The following GALNT6 variants were observed in gnomAD, a reference collection of about 807,000 sequenced individuals.
GALNT6 encodes the protein polypeptide N-acetylgalactosaminyltransferase 6.
In GALNT6, 51 loss-of-function variants were observed where a neutral mutation model predicts 65.9. That is an observed-to-expected ratio of 0.77 (90% confidence interval 0.62 to 0.98). The LOEUF is 0.98. Among genes scored for constraint, GALNT6 ranks in the 50% least tolerant of loss-of-function variants. GALNT6 has a pLI of 0.00. For missense variants in GALNT6, 708 were observed against 803.3 expected (o/e 0.88, Z 1.43); for synonymous variants, 323 against 315.1 (o/e 1.02, Z -0.26).
rs752622980 is a variant in GALNT6 at position 51,377,375 on chromosome 12, T to A, written c.492-8A>T. Reference sequence around the variant, plus strand: ...AACTTCTGGTCCACACACCTGGAAGTATGAAAGTACGGACAAAGTTCTCCT... The same window carrying A: ...AACTTCTGGTCCACACACCTGGAAGAATGAAAGTACGGACAAAGTTCTCCT... On this transcript the variant is annotated splice_polypyrimidine_tract_variant and splice_region_variant and intron_variant, in intron 3 of 11. Coordinates refer to ENST00000356317, the MANE Select transcript of GALNT6 (RefSeq NM_007210.4). 6.2e-7 allele frequency: 1 copy of A among 1,611,896 alleles called. No homozygotes were observed. Among genetic ancestry groups the A allele is most frequent in the Non-Finnish European group, 8.5e-7 (1 of 1,179,764 alleles).
At chr12:51,354,671 A>C (rs567979258) in intron 11 of GALNT6, among the ~76,000 whole-genome samples, 179 bp from the exon 12 acceptor site, 2 of 152,232 alleles carry the variant, frequency 1.3e-5, no homozygotes, top group East Asian at 3.9e-4. Flanking sequence ...TCCCACCTCT[A>C]TCTGGTGCCA....
chr12:51,355,556 G>A (rs1032202771), intron 11 of GALNT6, among the ~76,000 whole-genome samples: 3 of 152,080 alleles, frequency 2.0e-5, no homozygotes, highest in Non-Finnish European at 4.4e-5. Flanking sequence ...TGCAACCTCC[G>A]CCTCCTGGGT....
intron 2 of GALNT6, among the ~76,000 whole-genome samples, chr12:51,384,061 C>T (rs1395517793): frequency 6.6e-6 from 1 of 152,204 alleles, no homozygotes; most frequent in Non-Finnish European, 1.5e-5. Flanking sequence ...AGTGTGCCCG[C>T]AGCCCCCATC....
At chr12:51,381,096 G>A (rs917840156) in intron 2 of GALNT6, among the ~76,000 whole-genome samples, 1 of 152,074 alleles carries the variant, frequency 6.6e-6, no homozygotes, top group Non-Finnish European at 1.5e-5. Context: ...AAAAATTAGC[G>A]AGGCGTAGTG....
rs1232787480 is a variant in GALNT6 at position 51,390,836 on chromosome 12, G to A, written c.-104+14C>T. ...CCACCCTCCACCCCCATACACAGAA[G>A]AGCCCCATCCTACCCTCTGCAGACG... On this transcript the variant is annotated intron_variant, in intron 2 of 11. Transcript: ENST00000356317. 1 of 152,230 alleles carries A rather than the reference G, an allele frequency of 6.6e-6. No individual in the cohort carries two copies. Among genetic ancestry groups the A allele is most frequent in the Non-Finnish European group, 1.5e-5 (1 of 68,088 alleles). 9.4% of individuals were successfully genotyped at this position (152,230 alleles called of 1,614,324 possible).
At position 51,387,798 on chromosome 12, in the gene GALNT6, G is replaced by A. The variant is rs1947889320; in HGVS notation, c.-104+3052C>T. 6.6e-6 allele frequency among the ~76,000 whole-genome samples: 1 copy of A among 152,140 alleles called. No individual in the cohort carries two copies. The highest frequency in any genetic ancestry group is 1.5e-5 in the Non-Finnish European group (1 of 68,024). On this transcript the variant is annotated intron_variant, in intron 2 of 11. Coordinates refer to ENST00000356317, the MANE Select transcript of GALNT6 (RefSeq NM_007210.4). The surrounding 1 kb of genome is among the most constrained non-coding windows in gnomAD (Gnocchi z 4.2). ...GGGGAAAGGACAGAGAAGGGACAGG[G>A]AAGTGATGAGAAGGGTGGAAGACAG... is the stretch of plus-strand genomic sequence containing the variant.
In GALNT6 at chr12:51,370,153, G is replaced by A. The variant is rs760483871; in HGVS notation, c.665-4574C>T. Among the ~76,000 whole-genome samples the A allele has an allele frequency of 4.6e-5, 7 of 152,360 alleles. No homozygotes were observed. The East Asian group carries it at 5.8e-4, about 13-fold the overall frequency. ...CAATGTTCACAGCAGCATTAGTCAC[G>A]ATAGCCAAAGGCAGAAACAGCCTCA... On this transcript the variant is annotated intron_variant, in intron 4 of 11. Transcript: ENST00000356317.
rs767716612 is a variant in GALNT6 at position 51,360,692 on chromosome 12, G to A, written c.1167+29C>T. The A allele has an allele frequency of 3.9e-6, 5 of 1,298,518 alleles. No homozygotes were observed. The African/African-American group carries it at 5.8e-5, about 15-fold the overall frequency. 80.4% of individuals were successfully genotyped at this position (1,298,518 alleles called of 1,614,324 possible). A position where few individuals can be genotyped will look rare whatever the true frequency, so the allele number is the denominator to read the frequency against. ...TCAAGCTGTCGCCTGGGATGTTGTG[G>A]TTCCCCCCAAAGCCCTCTTCACTCT... On this transcript the variant is annotated intron_variant, in intron 7 of 11. Transcript: ENST00000356317.
At chr12:51,362,239 A>C (rs1488308595) in intron 6 of GALNT6, among the ~76,000 whole-genome samples, 1 of 152,178 alleles carries the variant, frequency 6.6e-6, no homozygotes, top group Non-Finnish European at 1.5e-5. Context: ...CCGAGAAGTC[A>C]CTGATGGATT....
intron 4 of GALNT6, among the ~76,000 whole-genome samples, chr12:51,370,435 C>T (rs1314382967): frequency 2.6e-5 from 4 of 151,972 alleles, no homozygotes; most frequent in African/African-American, 7.3e-5. Context: ...CTCGGGAGGC[C>T]GAGGCAGGAG....
At chr12:51,378,146 G>A (rs975935621) in intron 3 of GALNT6, among the ~76,000 whole-genome samples, 7 of 152,098 alleles carry the variant, frequency 4.6e-5, no homozygotes, top group African/African-American at 1.7e-4. Flanking sequence ...GTCACACCCA[G>A]TGCTCTTCTC....
intron 4 of GALNT6, among the ~76,000 whole-genome samples, chr12:51,367,139 C>T (rs1185922535): frequency 3.3e-5 from 5 of 152,298 alleles, no homozygotes; most frequent in African/African-American, 1.2e-4. Context: ...TGCTTGTAAT[C>T]CCAGCTACTC....
intron 4 of GALNT6, among the ~76,000 whole-genome samples, chr12:51,374,541 T>TG (rs1947391609): frequency 6.6e-6 from 1 of 152,074 alleles, no homozygotes; most frequent in African/African-American, 2.4e-5. Context: ...GGAGGGAGGC[T>TG]GGGGGAGGAC....
At chr12:51,374,122 A>G (rs1054999756) in intron 4 of GALNT6, among the ~76,000 whole-genome samples, 6 of 151,842 alleles carry the variant, frequency 4.0e-5, no homozygotes, top group African/African-American at 9.7e-5. Flanking sequence ...AGCCTCCCAA[A>G]GTTCTGGGAT....
At position 51,375,885 on chromosome 12, in the gene GALNT6, G is replaced by A. The variant is rs185551176; in HGVS notation, c.664+1310C>T. ...TTTTTTGTTTTGTTTTTTTGAGAAG[G>A]AGTCTCACTCTGTCTCTCAGGCAGA... On this transcript the variant is annotated intron_variant, in intron 4 of 11. Coordinates refer to ENST00000356317, the MANE Select transcript of GALNT6 (RefSeq NM_007210.4). Among the ~76,000 whole-genome samples, 304 of 151,776 alleles carry A rather than the reference G, an allele frequency of 2.0e-3. 2 individuals are homozygous for A. The highest frequency in any genetic ancestry group is 6.9e-3 in the African/African-American group (286 of 41,352).
chr12:51,382,133 A>G (rs531915182), intron 2 of GALNT6, among the ~76,000 whole-genome samples: 59 of 152,320 alleles, frequency 3.9e-4, no homozygotes, highest in Admixed American at 2.4e-3. Flanking sequence ...CTCTTTGAGC[A>G]TCTATTTTGT....
chr12:51,358,188 AG>A lies in GALNT6; in HGVS notation c.1441del (p.Leu481CysfsTer13). ...AAACATCTCTGGGTAGACATTGTGC[AG>A]GTACCAGGAAAAGTTGTGACAGTGC... ...QLHCHNFSWY[L>X]HNVYPEMFVP... On this transcript the variant is annotated frameshift_variant, in exon 9 of 12. Coordinates refer to ENST00000356317, the MANE Select transcript of GALNT6 (RefSeq NM_007210.4). LOFTEE classifies it high-confidence loss of function. 6.2e-7 allele frequency: 1 copy of A among 1,613,822 alleles called. No homozygotes were observed. The highest frequency in any genetic ancestry group is 1.1e-5 in the South Asian group (1 of 91,072).
intron 4 of GALNT6, among the ~76,000 whole-genome samples, chr12:51,370,838 T>A (rs1433003274): frequency 2.0e-5 from 3 of 151,828 alleles, no homozygotes; most frequent in African/African-American, 7.3e-5. Flanking sequence ...CTGGTCAACA[T>A]GGTGAGACCC....
chr12:51,359,063 G>T, intron 8 of GALNT6, 69 bp downstream of exon 8: 1 of 1,228,554 alleles, frequency 8.1e-7, no homozygotes, highest in Non-Finnish European at 1.2e-6. Flanking sequence ...CAGCCATTAG[G>T]CCCATGAACA....
Sources: allele counts gnomAD v4.1 joint callset (sites outside exome capture counted in the v4.1 genomes callset), GRCh38; gene constraint gnomAD v4.1.1; non-coding constraint Gnocchi (gnomAD v3.1); transcripts MANE v1.5; gene names NCBI Gene and HGNC (gene_info 2026-07-23, HGNC 2026-07-21).